The following KCNN2 variants were observed in gnomAD, a reference collection of about 807,000 sequenced individuals.
KCNN2 encodes the protein potassium calcium-activated channel subfamily N member 2.
Under a neutral mutation model 55.5 loss-of-function variants are expected in KCNN2, and 24 were observed. The observed-to-expected ratio is 0.43, with a 90% CI of 0.31 to 0.61. The LOEUF is 0.61. Among genes scored for constraint, KCNN2 ranks in the 20% least tolerant of loss-of-function variants. The pLI, the probability that KCNN2 is intolerant of heterozygous loss-of-function variation, is 0.08. For missense variants in KCNN2, 754 were observed against 853.6 expected (o/e 0.88, Z 1.45); for synonymous variants, 431 against 336.1 (o/e 1.28, Z -3.09).
intron 2 of KCNN2, among the ~76,000 whole-genome samples, chr5:114,305,984 G>T (rs1756261650): frequency 1.3e-5 from 2 of 152,228 alleles, no homozygotes; most frequent in Admixed American, 1.3e-4. Flanking sequence ...CTGATCATCA[G>T]GTCTAATAAC....
chr5:114,429,243 A>T (rs1281142367), intron 3 of KCNN2, among the ~76,000 whole-genome samples: 1 of 152,130 alleles, frequency 6.6e-6, no homozygotes, highest in Non-Finnish European at 1.5e-5. Flanking sequence ...TTGCAACAAC[A>T]AATACTGGTA....
In KCNN2 at chr5:114,378,508, G is replaced by A. The variant is rs1364667836; in HGVS notation, c.1218+14507G>A. ...TGCCGATTGGGAAGTGCAGATTTTT[G>A]TAGGTGCAAGGCTTTCTGCTATGGC... is the stretch of plus-strand genomic sequence containing the variant. On this transcript the variant is annotated intron_variant, in intron 2 of 7. Coordinates refer to ENST00000673685, the MANE Select transcript of KCNN2 (RefSeq NM_021614.4). Among the ~76,000 whole-genome samples, 3 of 152,176 alleles carry A rather than the reference G, an allele frequency of 2.0e-5. No homozygotes were observed. The East Asian group carries it at 5.8e-4, about 29-fold the overall frequency.
In KCNN2 at chr5:114,217,324, G is replaced by T. The variant is rs375361589; in HGVS notation, c.-270-4156G>T. 1.2e-3 allele frequency among the ~76,000 whole-genome samples: 182 copies of T among 152,194 alleles called. 2 individuals carry two copies. The highest frequency in any genetic ancestry group is 2.3e-3 in the Non-Finnish European group (159 of 67,962). On this transcript the variant is annotated intron_variant, in intron 1 of 10. Coordinates refer to the KCNN2 transcript ENST00000512097. ...ATACCGAAGAAAAACAAAGTTGGAA[G>T]ACTGACACCACCTAACTTCAAGACT...
At chr5:114,461,538 G>GA (rs1761194672) in intron 3 of KCNN2, among the ~76,000 whole-genome samples, 1 of 152,120 alleles carries the variant, frequency 6.6e-6, no homozygotes, top group African/African-American at 2.4e-5. Flanking sequence ...ACAGTAGCAG[G>GA]AAACAGAATT....
chr5:114,457,645 G>C (rs1288332064), intron 3 of KCNN2, among the ~76,000 whole-genome samples: 1 of 152,040 alleles, frequency 6.6e-6, no homozygotes, highest in Non-Finnish European at 1.5e-5. Flanking sequence ...TAATAATCAA[G>C]CAGAACCCTA....
At chr5:114,121,730 G>A (rs1400358399) in intron 1 of KCNN2, among the ~76,000 whole-genome samples, 2 of 152,092 alleles carry the variant, frequency 1.3e-5, no homozygotes. Flanking sequence ...ATCCTCTCTT[G>A]CCTCTGATCG....
At chr5:114,342,812 T>C (rs1434622708) in intron 2 of KCNN2, among the ~76,000 whole-genome samples, 3 of 152,184 alleles carry the variant, frequency 2.0e-5, no homozygotes, top group African/African-American at 7.2e-5. Context: ...CACTGGGGCT[T>C]CTTCAAGTAT....
intron 2 of KCNN2, among the ~76,000 whole-genome samples, chr5:114,305,169 G>A (rs1024018648): frequency 2.6e-5 from 4 of 152,192 alleles, no homozygotes; most frequent in Admixed American, 2.6e-4. Context: ...AAATAATCGT[G>A]TTTGGTAGGG....
intron 2 of KCNN2, among the ~76,000 whole-genome samples, chr5:114,351,019 G>C (rs1174677254): frequency 1.3e-5 from 2 of 151,766 alleles, no homozygotes; most frequent in Admixed American, 6.6e-5. Flanking sequence ...ATAGGGATTT[G>C]ATTGTATCTG....
intron 2 of KCNN2, among the ~76,000 whole-genome samples, chr5:114,262,228 T>C (rs1328720696): frequency 6.6e-6 from 1 of 152,220 alleles, no homozygotes; most frequent in Non-Finnish European, 1.5e-5. Context: ...AAGTTATCTT[T>C]TCAAGAAAGC....
rs969586868 is a variant in KCNN2 at position 114,364,140 on chromosome 5, A to G, written c.1218+139A>G. 6 of 647,164 alleles carry G rather than the reference A, an allele frequency of 9.3e-6. No individual in the cohort carries two copies. The African/African-American group carries it at 1.1e-4, about 12-fold the overall frequency. 40.1% of individuals were successfully genotyped at this position (647,164 alleles called of 1,614,324 possible). On this transcript the variant is annotated intron_variant, in intron 2 of 7. Transcript: ENST00000673685. ...AGACACATGCTGTATTGTTACCGTT[A>G]GCACCTGACCTGTTCTTTCAGGAAG...
Position 114,069,159 on chromosome 5 carries a change from T to C in KCNN2, c.-271+12659T>C, listed in dbSNP as rs17136235. 7.6e-3 allele frequency among the ~76,000 whole-genome samples: 1,151 copies of C among 152,288 alleles called. 16 individuals carry two copies. Among genetic ancestry groups the C allele is most frequent in the African/African-American group, 0.027 (1,102 of 41,552 alleles). On this transcript the variant is annotated intron_variant, in intron 1 of 10. Coordinates refer to the KCNN2 transcript ENST00000512097. ...TCCAACTATAGATGATGCCAAGATG[T>C]AGGAGTTTGTACAGTGTACCTGGTG...
chr5:114,091,728 G>A (rs755970099), intron 1 of KCNN2, among the ~76,000 whole-genome samples: 30 of 152,246 alleles, frequency 2.0e-4, no homozygotes, highest in Non-Finnish European at 2.9e-4. Flanking sequence ...CCTTCTTCAC[G>A]AGGTGGCAGG....
At chr5:114,478,052 C>T (rs562761392) in intron 5 of KCNN2, among the ~76,000 whole-genome samples, 2 of 152,232 alleles carry the variant, frequency 1.3e-5, no homozygotes, top group Admixed American at 1.3e-4. Context: ...ACAGCTACAA[C>T]ATTCACCCAG....
At chr5:114,090,430 T>A (rs1751114161) in intron 1 of KCNN2, among the ~76,000 whole-genome samples, 2 of 152,124 alleles carry the variant, frequency 1.3e-5, no homozygotes, top group Admixed American at 1.3e-4. Flanking sequence ...AATAATCATC[T>A]TAAATTGGAA....
intron 2 of KCNN2, among the ~76,000 whole-genome samples, chr5:114,303,006 C>T (rs1261896727): frequency 1.3e-5 from 2 of 152,138 alleles, no homozygotes; most frequent in Non-Finnish European, 2.9e-5. Context: ...TTAGCAAAGC[C>T]CAGAGGCAGT....
chr5:114,409,885 CTCTT>C (rs1394198710), intron 3 of KCNN2, among the ~76,000 whole-genome samples: 4 of 152,124 alleles, frequency 2.6e-5, no homozygotes, highest in Non-Finnish European at 5.9e-5. Context: ...CTCTCTCTCT[CTCTT>C]TTTGGTGAAT....
intron 3 of KCNN2, among the ~76,000 whole-genome samples, chr5:114,424,593 C>T (rs1580818338): frequency 6.6e-6 from 1 of 152,066 alleles, no homozygotes; most frequent in Non-Finnish European, 1.5e-5. Context: ...GAAGGAAAAC[C>T]CTGGCAGCAT....
At chr5:114,405,837 A>C (rs1027129151) in intron 3 of KCNN2, among the ~76,000 whole-genome samples, 9 of 151,588 alleles carry the variant, frequency 5.9e-5, no homozygotes, top group Non-Finnish European at 1.2e-4. Context: ...CAGCCTCCCG[A>C]GTAGCTGGGA....
Sources: allele counts gnomAD v4.1 joint callset (sites outside exome capture counted in the v4.1 genomes callset), GRCh38; gene constraint gnomAD v4.1.1; transcripts MANE v1.5; gene names NCBI Gene and HGNC (gene_info 2026-07-23, HGNC 2026-07-21).